The following ABI3BP variants were observed in gnomAD, a reference collection of about 807,000 sequenced individuals.
ABI3BP encodes the protein target of Nesh-SH3.
A neutral mutation model predicts 268.6 loss-of-function variants in ABI3BP; 216 were observed. That is an observed-to-expected ratio of 0.80 (90% CI 0.72 to 0.90). ABI3BP has a LOEUF of 0.90. Among genes scored for constraint, ABI3BP ranks in the 40% least tolerant of loss-of-function variants. The pLI, the probability that ABI3BP is intolerant of heterozygous loss-of-function variation, is 0.00. For missense variants in ABI3BP, 2,090 were observed against 2,182.4 expected (o/e 0.96, Z 0.84); for synonymous variants, 730 against 730.0 (o/e 1.00, Z 0.00).
At chr3:100,901,528 G>T (rs1416729223) in intron 3 of ABI3BP, among the ~76,000 whole-genome samples, 1 of 152,130 alleles carries the variant, frequency 6.6e-6, no homozygotes, top group Non-Finnish European at 1.5e-5. Flanking sequence ...CTTTGGGAGA[G>T]CGAGGTGGGG....
chr3:100,991,573 T>C (rs958123175), intron 1 of ABI3BP, among the ~76,000 whole-genome samples: 2 of 152,196 alleles, frequency 1.3e-5, no homozygotes, highest in Non-Finnish European at 2.9e-5. Flanking sequence ...AGTGCACCTA[T>C]GCCTGGAGCA....
intron 1 of ABI3BP, among the ~76,000 whole-genome samples, chr3:100,952,963 T>A (rs1296390796): frequency 6.6e-6 from 1 of 152,196 alleles, no homozygotes; most frequent in Non-Finnish European, 1.5e-5. Flanking sequence ...CTTGCTCTAT[T>A]TTATCCACTC....
chr3:100,752,703 T>C, intron 66 of ABI3BP, 84 bp downstream of exon 66: 2 of 1,475,048 alleles, frequency 1.4e-6, no homozygotes, highest in Non-Finnish European at 9.1e-7. Context: ...TGCCTGAAAC[T>C]CTTAAGAAAA....
intron 37 of ABI3BP, among the ~76,000 whole-genome samples, chr3:100,822,961 A>C (rs1055293716): frequency 1.2e-4 from 19 of 152,222 alleles, no homozygotes; most frequent in African/African-American, 4.6e-4. Flanking sequence ...TTAATGGATA[A>C]TGAAGGACAG....
At chr3:100,764,737 A>C (rs945353988) in intron 63 of ABI3BP, among the ~76,000 whole-genome samples, 3 of 152,242 alleles carry the variant, frequency 2.0e-5, no homozygotes, top group Admixed American at 2.0e-4. Context: ...TCCTTCAAAT[A>C]TATTATGGCA....
chr3:100,882,976 T>C (rs1036961269), intron 6 of ABI3BP, among the ~76,000 whole-genome samples: 1 of 152,152 alleles, frequency 6.6e-6, no homozygotes, highest in African/African-American at 2.4e-5. Flanking sequence ...CCCACTGTTT[T>C]GCCTGTGAGG....
chr3:100,749,634 A>G lies in ABI3BP; in HGVS notation c.*861T>C, dbSNP rs1381813215. On this transcript the variant is annotated 3_prime_UTR_variant, in exon 68 of 68. Transcript: ENST00000471714. Reference sequence around the variant, plus strand: ...CGTATAAATACATAGTAAATATCCTATAAAATGGTAGGCAATCTCATCGTG... The same window carrying G: ...CGTATAAATACATAGTAAATATCCTGTAAAATGGTAGGCAATCTCATCGTG... 1.3e-5 allele frequency: 5 copies of G among 398,528 alleles called. No individual in the cohort carries two copies. The highest frequency in any genetic ancestry group is 1.3e-4 in the South Asian group (1 of 7,858). The allele number at this position is 398,528 out of a possible 1,614,324, so 24.7% of individuals were successfully genotyped here.
intron 6 of ABI3BP, among the ~76,000 whole-genome samples, chr3:100,880,783 A>G (rs1017439): frequency 0.76 from 114,947 of 152,176 alleles, 43,581 homozygotes; most frequent in Admixed American, 0.78. Flanking sequence ...CCTCCTGATA[A>G]TATATTGAAA....
intron 50 of ABI3BP, among the ~76,000 whole-genome samples, chr3:100,805,951 C>T (rs1040503653): frequency 1.3e-5 from 2 of 151,846 alleles, no homozygotes. Flanking sequence ...ACATTGTTTG[C>T]CCATGTGAAA....
chr3:100,862,687 T>C (rs960493970), intron 13 of ABI3BP, 151 bp downstream of exon 13: 1 of 627,218 alleles, frequency 1.6e-6, no homozygotes, highest in African/African-American at 1.9e-5. Context: ...AAAATCCAAA[T>C]AGATTTATTA....
chr3:100,810,908 C>T (rs894076784), intron 48 of ABI3BP, among the ~76,000 whole-genome samples: 1 of 151,990 alleles, frequency 6.6e-6, no homozygotes, highest in African/African-American at 2.4e-5. Context: ...AATGGATCAT[C>T]GCACCAAAAA....
intron 6 of ABI3BP, among the ~76,000 whole-genome samples, chr3:100,880,911 C>T (rs1298803653): frequency 1.3e-5 from 2 of 151,842 alleles, no homozygotes; most frequent in South Asian, 2.1e-4. Context: ...TTTCAGGCCC[C>T]GAGATAAAGA....
chr3:100,944,947 ATGT>A (rs1427458608), intron 1 of ABI3BP, among the ~76,000 whole-genome samples: 2 of 152,140 alleles, frequency 1.3e-5, no homozygotes, highest in African/African-American at 2.4e-5. Context: ...TATTAATAAC[ATGT>A]TGTGGAAGAA....
intron 1 of ABI3BP, among the ~76,000 whole-genome samples, chr3:100,972,643 A>C (rs1470094162): frequency 6.6e-6 from 1 of 151,398 alleles, no homozygotes; most frequent in African/African-American, 2.4e-5. Context: ...AGATTGATTC[A>C]TTTTTTTTTC....
intron 1 of ABI3BP, among the ~76,000 whole-genome samples, chr3:100,989,000 A>C (rs2092463120): frequency 1.3e-5 from 2 of 152,202 alleles, no homozygotes; most frequent in Non-Finnish European, 2.9e-5. Context: ...TGTTCCCTCC[A>C]AAATTCAGGT....
intron 6 of ABI3BP, among the ~76,000 whole-genome samples, chr3:100,885,194 A>G (rs1347833254): frequency 2.0e-5 from 3 of 152,084 alleles, no homozygotes; most frequent in African/African-American, 7.2e-5. Flanking sequence ...GAGCTGTAGC[A>G]ATGTACATAA....
At chr3:100,983,225 G>T (rs1029577270) in intron 1 of ABI3BP, among the ~76,000 whole-genome samples, 18 of 152,168 alleles carry the variant, frequency 1.2e-4, no homozygotes, top group African/African-American at 4.3e-4. Flanking sequence ...ACTCAGAGAA[G>T]AGAGAACTTC....
chr3:100,857,353 TAA>T (rs1355332384), intron 14 of ABI3BP, among the ~76,000 whole-genome samples: 1 of 152,212 alleles, frequency 6.6e-6, no homozygotes, highest in Non-Finnish European at 1.5e-5. Context: ...TGCATTATAT[TAA>T]GTAATTTATA....
chr3:100,936,848 T>C (rs2066382127), intron 1 of ABI3BP, among the ~76,000 whole-genome samples: 2 of 151,912 alleles, frequency 1.3e-5, no homozygotes, highest in Admixed American at 1.3e-4. Flanking sequence ...TTTTATTGCA[T>C]CTATTTGATT....
Sources: allele counts gnomAD v4.1 joint callset (sites outside exome capture counted in the v4.1 genomes callset), GRCh38; gene constraint gnomAD v4.1.1; transcripts MANE v1.5; gene names NCBI Gene and HGNC (gene_info 2026-07-23, HGNC 2026-07-21).